CUX2: variants seen among roughly 807,000 people sequenced by gnomAD.
CUX2 encodes the protein cut like homeobox 2.
In CUX2, 40 loss-of-function variants were observed where a neutral mutation model predicts 144.8. The ratio of observed to expected loss-of-function variants is 0.28; its 90% CI spans 0.21 to 0.36. The LOEUF (loss-of-function observed/expected upper bound fraction) is 0.36. Among genes scored for constraint, CUX2 ranks in the 10% least tolerant of loss-of-function variants. The pLI, the probability that CUX2 is intolerant of heterozygous loss-of-function variation, is 1.00. For synonymous variants in CUX2, 827 were observed against 875.6 expected, an observed-to-expected ratio of 0.94 and a Z score of 0.98; for missense variants, 1,615 against 1,994.0, an observed-to-expected ratio of 0.81 and a Z score of 3.62.
intron 1 of CUX2, among the ~76,000 whole-genome samples, chr12:111,149,285 C>T (rs771903578): frequency 4.6e-5 from 7 of 152,194 alleles, no homozygotes; most frequent in South Asian, 2.1e-4. Context: ...TAAAGCTTAT[C>T]GGCTATTGTT....
chr12:111,310,796 G>T lies in CUX2; in HGVS notation c.1900+114G>T, dbSNP rs1004876229. 3.2e-6 allele frequency: 4 copies of T among 1,249,672 alleles called. No homozygotes were observed. The African/African-American group carries it at 6.0e-5, about 19-fold the overall frequency. 77.4% of individuals were successfully genotyped at this position (1,249,672 alleles called of 1,614,324 possible). ...CAAAGCCCAGCTCTACCACCACCTG[G>T]CTGTGTGACCCAGGGCCAGTGGCTT... On this transcript the variant is annotated intron_variant, in intron 15 of 21. Transcript: ENST00000261726. The surrounding 1 kb of genome is among the most constrained non-coding windows in gnomAD (Gnocchi z 7.9).
At chr12:111,328,113 G>A (rs1224892263) in intron 18 of CUX2, among the ~76,000 whole-genome samples, 3 of 152,142 alleles carry the variant, frequency 2.0e-5, no homozygotes, top group African/African-American at 4.8e-5. Context: ...TACTGTAGCT[G>A]CTGGCCCTAG....
intron 4 of CUX2, among the ~76,000 whole-genome samples, chr12:111,288,928 A>G (rs973366586): frequency 1.3e-5 from 2 of 152,026 alleles, no homozygotes; most frequent in African/African-American, 4.8e-5. Flanking sequence ...GTCTCACTGC[A>G]CTCCGGCCTG....
chr12:111,286,554 A>T (rs577547107), intron 4 of CUX2, among the ~76,000 whole-genome samples: 1 of 152,102 alleles, frequency 6.6e-6, no homozygotes, highest in African/African-American at 2.4e-5. Context: ...TGGGCAACAT[A>T]GCAAGACCCT....
chr12:111,160,870 G>T lies in CUX2; in HGVS notation c.64-53330G>T, dbSNP rs1877714150. Among the ~76,000 whole-genome samples, 1 of 152,118 alleles carries T rather than the reference G, an allele frequency of 6.6e-6. No homozygotes were observed. Among genetic ancestry groups the T allele is most frequent in the Admixed American group, 6.5e-5 (1 of 15,270 alleles). The stretch of plus-strand genomic sequence containing the variant: ...CCCGGGCTCCTGGCCTGAACAGCTG[G>T]GTGGACTCCGTGCCGCTTCCTGCCA... On this transcript the variant is annotated intron_variant, in intron 1 of 21. Transcript: ENST00000261726. This position sits in a 1 kb window ranked among gnomAD's most constrained non-coding sequence, Gnocchi z 4.1.
In CUX2 at chr12:111,349,788, A is replaced by C. The variant is rs953171166; in HGVS notation, c.*1463A>C. On this transcript the variant is annotated 3_prime_UTR_variant, in exon 22 of 22. Transcript: ENST00000261726. ...TTACGTTTCCTTTTTCAAACTGTCC[A>C]TGGGAAGGCTGAATTGAGTGACTCC... 1 of 152,188 alleles carries C rather than the reference A, an allele frequency of 6.6e-6. No homozygotes were observed. The highest frequency in any genetic ancestry group is 2.4e-5 in the African/African-American group (1 of 41,440). The allele number at this position is 152,188 out of a possible 1,614,324, so 9.4% of individuals were successfully genotyped here. A position where few individuals can be genotyped will look rare whatever the true frequency, so the allele number is the denominator to read the frequency against.
chr12:111,312,426 C>T lies in CUX2; in HGVS notation c.2002+225C>T, dbSNP rs1886952278. Among the ~76,000 whole-genome samples the T allele has an allele frequency of 6.6e-6, 1 of 152,146 alleles. No individual in the cohort carries two copies. ...CATAAAATCTCAACCCTTGGCCAGGCGCAGTGGCTCATGCCTGTAATCCCA... is the reference window on the plus strand; with the variant it reads ...CATAAAATCTCAACCCTTGGCCAGGTGCAGTGGCTCATGCCTGTAATCCCA... On this transcript the variant is annotated intron_variant, in intron 16 of 21. Transcript: ENST00000261726. The surrounding 1 kb of genome is among the most constrained non-coding windows in gnomAD (Gnocchi z 4.3).
intron 1 of CUX2, among the ~76,000 whole-genome samples, chr12:111,209,992 C>T (rs976226008): frequency 6.6e-6 from 1 of 152,238 alleles, no homozygotes; most frequent in Non-Finnish European, 1.5e-5. Context: ...AGTCTCCTCC[C>T]TGCCTGGGCC....
Position 111,334,529 on chromosome 12 carries a change from C to G in CUX2, c.3015C>G (p.Ser1005=). 6.2e-7 allele frequency: 1 copy of G among 1,614,004 alleles called. No individual in the cohort carries two copies. Among genetic ancestry groups the G allele is most frequent in the South Asian group, 1.1e-5 (1 of 91,062 alleles). The stretch of plus-strand genomic sequence containing the variant: ...GCTCCCAGGAGCCGTTGAGCCTGTC[C>G]CTGGAGAGCAGCAAGGAGAACCAGC... The part of the protein sequence containing the change: ...EKSSQEPLSL[S]LESSKENQQP... Residue 1005 remains serine (S), a synonymous_variant, in exon 19 of 22, where the codon TCC becomes TCG. Transcript: ENST00000261726.
chr12:111,105,408 C>T (rs1873535701), intron 1 of CUX2, among the ~76,000 whole-genome samples: 1 of 152,200 alleles, frequency 6.6e-6, no homozygotes, highest in Non-Finnish European at 1.5e-5. Context: ...CAGGAAGGGG[C>T]TGACGGAAGA....
chr12:111,164,459 C>T (rs1038528636), intron 1 of CUX2, among the ~76,000 whole-genome samples: 1 of 151,914 alleles, frequency 6.6e-6, no homozygotes, highest in Non-Finnish European at 1.5e-5. Flanking sequence ...GCTTGTAATC[C>T]CAGCTACTTG....
chr12:111,174,223 G>A (rs1027107913), intron 1 of CUX2, among the ~76,000 whole-genome samples: 2 of 152,232 alleles, frequency 1.3e-5, no homozygotes, highest in African/African-American at 4.8e-5. Context: ...TGAGATGGCA[G>A]AGAATTGCAT....
chr12:111,184,729 C>T lies in CUX2; in HGVS notation c.64-29471C>T, dbSNP rs560115218. On this transcript the variant is annotated intron_variant, in intron 1 of 21. Coordinates refer to ENST00000261726, the MANE Select transcript of CUX2 (RefSeq NM_015267.4). ...CTATGACCACACCACTGCACTACAG[C>T]CTGGGCAACAGAGTGAGACCCTGTC... Among the ~76,000 whole-genome samples, 347 of 151,990 alleles carry T rather than the reference C, an allele frequency of 2.3e-3. 1 individual carries two copies. Among genetic ancestry groups the T allele is most frequent in the African/African-American group, 8.0e-3 (330 of 41,438 alleles).
intron 1 of CUX2, among the ~76,000 whole-genome samples, chr12:111,197,551 T>C: frequency 6.6e-6 from 1 of 152,158 alleles, no homozygotes; most frequent in East Asian, 1.9e-4. Flanking sequence ...CGTGTAGGCA[T>C]CTTGAGGGTT....
At chr12:111,202,097 T>C (rs1880631779) in intron 1 of CUX2, among the ~76,000 whole-genome samples, 1 of 152,202 alleles carries the variant, frequency 6.6e-6, no homozygotes, top group Admixed American at 6.5e-5. Context: ...TGGCATGTAG[T>C]AGGTGCTCAG....
intron 1 of CUX2, among the ~76,000 whole-genome samples, chr12:111,133,213 C>G (rs561474517): frequency 3.2e-4 from 49 of 152,282 alleles, no homozygotes; most frequent in Non-Finnish European, 5.9e-4. Flanking sequence ...CTGTTCCAAC[C>G]TCTGCCTGTT....
chr12:111,206,301 C>A (rs1880916668), intron 1 of CUX2, among the ~76,000 whole-genome samples: 1 of 152,168 alleles, frequency 6.6e-6, no homozygotes, highest in South Asian at 2.1e-4. Flanking sequence ...CACTGCACGC[C>A]AGGCTGGACT....
chr12:111,278,399 C>G (rs965242588), intron 4 of CUX2, among the ~76,000 whole-genome samples: 3 of 152,118 alleles, frequency 2.0e-5, no homozygotes, highest in African/African-American at 7.2e-5. Flanking sequence ...GTGGCCTGGG[C>G]GACAGAGCAA....
chr12:111,327,660 C>T (rs3847953), intron 18 of CUX2, among the ~76,000 whole-genome samples: 69,911 of 152,034 alleles, frequency 0.46, 20,019 homozygotes, highest in East Asian at 0.88. Context: ...GAGAATGGTG[C>T]TCCTTGTGGA....
Sources: allele counts gnomAD v4.1 joint callset (sites outside exome capture counted in the v4.1 genomes callset), GRCh38; gene constraint gnomAD v4.1.1; non-coding constraint Gnocchi (gnomAD v3.1); transcripts MANE v1.5; gene names NCBI Gene and HGNC (gene_info 2026-07-23, HGNC 2026-07-21).